The following LPGAT1 variants were observed in gnomAD, a reference collection of about 807,000 sequenced individuals.
LPGAT1 encodes acyl-CoA:lysophosphatidylglycerol acyltransferase 1.
A neutral mutation model predicts 47.5 loss-of-function variants in LPGAT1; 11 were observed. The observed-to-expected ratio is 0.23, with a 90% confidence interval of 0.15 to 0.38. The LOEUF (loss-of-function observed/expected upper bound fraction) is 0.38. Ranked by LOEUF, LPGAT1 falls within the 10% of genes least tolerant of loss-of-function variation. LPGAT1 has a pLI of 1.00. For synonymous variants in LPGAT1, 138 were observed against 144.2 expected, an observed-to-expected ratio of 0.96 and a Z score of 0.31; for missense variants, 293 against 439.0, an observed-to-expected ratio of 0.67 and a Z score of 2.97.
intron 6 of LPGAT1, among the ~76,000 whole-genome samples, chr1:211,771,228 G>A (rs1387194421): frequency 6.6e-6 from 1 of 152,082 alleles, no homozygotes; most frequent in African/African-American, 2.4e-5. Flanking sequence ...GTACAGGTCT[G>A]CAGCCTAGAA....
At chr1:211,810,469 C>T (rs80268067) in intron 2 of LPGAT1, among the ~76,000 whole-genome samples, 10,467 of 152,178 alleles carry the variant, frequency 0.069, 421 homozygotes, top group Non-Finnish European at 0.087. Context: ...CTTGAATATG[C>T]TGTTCCCTGT....
chr1:211,803,741 TA>T (rs1479769746), intron 2 of LPGAT1, among the ~76,000 whole-genome samples: 6 of 151,632 alleles, frequency 4.0e-5, no homozygotes, highest in African/African-American at 1.5e-4. Flanking sequence ...CTAGAAAATG[TA>T]TTTATTTTTC....
At chr1:211,824,388 T>C (rs967997117) in intron 2 of LPGAT1, among the ~76,000 whole-genome samples, 2 of 152,104 alleles carry the variant, frequency 1.3e-5, no homozygotes, top group Non-Finnish European at 1.5e-5. Context: ...AGAGTGAGAC[T>C]GTCTCACAAA....
chr1:211,805,697 G>T (rs185538586), intron 2 of LPGAT1, among the ~76,000 whole-genome samples: 203 of 152,190 alleles, frequency 1.3e-3, no homozygotes, highest in Non-Finnish European at 2.1e-3. Flanking sequence ...TGGTTTCACT[G>T]GCATACTCTA....
chr1:211,796,353 A>C (rs1659350733), intron 2 of LPGAT1, among the ~76,000 whole-genome samples: 1 of 152,160 alleles, frequency 6.6e-6, no homozygotes, highest in African/African-American at 2.4e-5. Flanking sequence ...CCTTATAAGA[A>C]TAGGAAAATG....
Position 211,829,434 on chromosome 1 carries a change from T to TA in LPGAT1, c.-27-112_-27-111insT, listed in dbSNP as rs1660648157. On this transcript the variant is annotated intron_variant, in intron 1 of 7. Transcript: ENST00000366997. ...AAAATAAAACAGCGAGGGTCGAAGCTTTCCGGGTGTAGTACCTCGGTGATC... is the reference window on the plus strand; with the variant it reads ...AAAATAAAACAGCGAGGGTCGAAGCTATTCCGGGTGTAGTACCTCGGTGATC... The TA allele has an allele frequency of 3.4e-6, 5 of 1,483,600 alleles. No homozygotes were observed. The Admixed American group carries it at 1.2e-4, about 36-fold the overall frequency. The allele number at this position is 1,483,600 out of a possible 1,614,324, so 91.9% of individuals were successfully genotyped here.
intron 4 of LPGAT1, among the ~76,000 whole-genome samples, chr1:211,785,889 G>A (rs1658858657): frequency 6.6e-6 from 1 of 152,060 alleles, no homozygotes; most frequent in Non-Finnish European, 1.5e-5. Flanking sequence ...TTACAGGCAT[G>A]AGCCACCGAG....
At chr1:211,780,434 A>G (rs1658595025) in intron 5 of LPGAT1, among the ~76,000 whole-genome samples, 1 of 152,226 alleles carries the variant, frequency 6.6e-6, no homozygotes, top group Admixed American at 6.5e-5. Context: ...ACTGATGGCC[A>G]GACTTTAGAG....
intron 2 of LPGAT1, among the ~76,000 whole-genome samples, chr1:211,826,569 T>C (rs968510232): frequency 6.6e-6 from 1 of 152,148 alleles, no homozygotes; most frequent in Non-Finnish European, 1.5e-5. Context: ...CAGTGGCTAC[T>C]ATATGGGGCT....
At chr1:211,776,694 T>C (rs2102527388) in intron 6 of LPGAT1, among the ~76,000 whole-genome samples, 2 of 151,412 alleles carry the variant, frequency 1.3e-5, no homozygotes, top group South Asian at 4.2e-4. Context: ...CAAAATTGGC[T>C]GGTACCATAT....
At chr1:211,797,210 T>C (rs1387969635) in intron 2 of LPGAT1, among the ~76,000 whole-genome samples, 1 of 152,078 alleles carries the variant, frequency 6.6e-6, no homozygotes. Context: ...GAGCCAAGAT[T>C]GAGCCACTGC....
Position 211,754,177 on chromosome 1 carries a change from A to G in LPGAT1, c.855-3110T>C, listed in dbSNP as rs112873466. ...CCAGAGTAAGCCTCCAATGTTTGCC[A>G]GGGTAGGGAAAAGTAATTACCCAGC... On this transcript the variant is annotated intron_variant, in intron 6 of 7. Transcript: ENST00000366997. Among the ~76,000 whole-genome samples the G allele has an allele frequency of 4.0e-3, 615 of 152,292 alleles. 1 individual carries two copies. Among genetic ancestry groups the G allele is most frequent in the Non-Finnish European group, 6.8e-3 (461 of 68,010 alleles).
At chr1:211,760,827 T>C (rs536579963) in intron 6 of LPGAT1, among the ~76,000 whole-genome samples, 4 of 152,236 alleles carry the variant, frequency 2.6e-5, no homozygotes, top group African/African-American at 7.2e-5. Context: ...TCAGGAAATC[T>C]AATTGTTTCT....
rs556883933 is a variant in LPGAT1, at chr1:211,746,689, T to G, written c.*3210A>C. ...GACCAATAAGATAGATCTGAACTCATAGCTATCTTCTTTTTTAATATACTT... is the reference window on the plus strand; with the variant it reads ...GACCAATAAGATAGATCTGAACTCAGAGCTATCTTCTTTTTTAATATACTT... On this transcript the variant is annotated 3_prime_UTR_variant, in exon 8 of 8. Coordinates refer to ENST00000366997, the MANE Select transcript of LPGAT1 (RefSeq NM_014873.3). 6.6e-6 allele frequency: 1 copy of G among 152,228 alleles called. No homozygotes were observed. Among genetic ancestry groups the G allele is most frequent in the African/African-American group, 2.4e-5 (1 of 41,458 alleles). 9.4% of individuals were successfully genotyped at this position (152,228 alleles called of 1,614,324 possible). A position where few individuals can be genotyped will look rare whatever the true frequency, so the allele number is the denominator to read the frequency against.
intron 6 of LPGAT1, among the ~76,000 whole-genome samples, chr1:211,758,805 G>C (rs1415491855): frequency 6.6e-6 from 1 of 152,128 alleles, no homozygotes; most frequent in Non-Finnish European, 1.5e-5. Flanking sequence ...AACCAATTAA[G>C]TATATTATTT....
intron 6 of LPGAT1, among the ~76,000 whole-genome samples, chr1:211,757,040 C>T (rs1278315986): frequency 6.6e-6 from 1 of 151,798 alleles, no homozygotes; most frequent in Non-Finnish European, 1.5e-5. Context: ...GGGCAGATCA[C>T]GAGGTCAGGA....
intron 2 of LPGAT1, among the ~76,000 whole-genome samples, chr1:211,794,258 CAG>C (rs1659258283): frequency 6.6e-6 from 1 of 152,156 alleles, no homozygotes; most frequent in Non-Finnish European, 1.5e-5. Flanking sequence ...CTAAGGGAAA[CAG>C]TGGTATTTCT....
chr1:211,767,464 C>A (rs912903963), intron 6 of LPGAT1, among the ~76,000 whole-genome samples: 1 of 152,022 alleles, frequency 6.6e-6, no homozygotes, highest in Non-Finnish European at 1.5e-5. Context: ...TTTTTTGAAG[C>A]AAAGGGGGAA....
intron 2 of LPGAT1, among the ~76,000 whole-genome samples, chr1:211,804,458 CA>C (rs1434527321): frequency 6.6e-6 from 1 of 152,012 alleles, no homozygotes; most frequent in Non-Finnish European, 1.5e-5. Flanking sequence ...CTAAAAAACA[CA>C]AGGCAGAAAA....
Sources: allele counts gnomAD v4.1 joint callset (sites outside exome capture counted in the v4.1 genomes callset), GRCh38; gene constraint gnomAD v4.1.1; transcripts MANE v1.5; gene names NCBI Gene and HGNC (gene_info 2026-07-23, HGNC 2026-07-21).